AGBL4: variants seen among roughly 807,000 people sequenced by gnomAD.
AGBL4 encodes AGBL carboxypeptidase 4, also known as cytosolic carboxypeptidase 6.
A neutral mutation model predicts 66.4 loss-of-function variants in AGBL4; 58 were observed. That is an observed-to-expected ratio of 0.87 (90% CI 0.71 to 1.09). The LOEUF is 1.09. Ranked by LOEUF, AGBL4 falls within the 50% of genes least tolerant of loss-of-function variation. The probability of loss-of-function intolerance (pLI) is 0.00; values close to 1 mark genes in which losing one functional copy is unlikely to be tolerated. For synonymous variants in AGBL4, 234 were observed against 222.9 expected, an observed-to-expected ratio of 1.05 and a Z score of -0.44; for missense variants, 579 against 631.0, an observed-to-expected ratio of 0.92 and a Z score of 0.88.
chr1:48,568,194 G>C (rs1161753273), intron 11 of AGBL4, among the ~76,000 whole-genome samples: 3 of 152,042 alleles, frequency 2.0e-5, no homozygotes, highest in Non-Finnish European at 4.4e-5. Context: ...TCACCTACAT[G>C]CTTAAGCAGG....
chr1:48,642,302 A>G (rs1312344285), intron 8 of AGBL4, among the ~76,000 whole-genome samples: 1 of 152,194 alleles, frequency 6.6e-6, no homozygotes, highest in Non-Finnish European at 1.5e-5. Context: ...GACTGGGGAC[A>G]AGGGCGCTCA....
At chr1:49,486,297 T>TTTTAA (rs1647065255) in intron 3 of AGBL4, among the ~76,000 whole-genome samples, 1 of 152,076 alleles carries the variant, frequency 6.6e-6, no homozygotes, top group African/African-American at 2.4e-5. Flanking sequence ...TCATCATATG[T>TTTTAA]ATTGTTCTTT....
chr1:49,520,542 C>T lies in AGBL4; in HGVS notation c.282+176771G>A, dbSNP rs543984361. Among the ~76,000 whole-genome samples, 37 of 152,130 alleles carry T rather than the reference C, an allele frequency of 2.4e-4. 2 individuals are homozygous for T. Among genetic ancestry groups the T allele is most frequent in the African/African-American group, 7.9e-4 (33 of 41,542 alleles). Reference sequence around the variant, plus strand: ...AAGGCCCTACCTGTTGCTTCTATCTCTACTTTACCCTGAACTTTGAATACC... The same window carrying T: ...AAGGCCCTACCTGTTGCTTCTATCTTTACTTTACCCTGAACTTTGAATACC... On this transcript the variant is annotated intron_variant, in intron 3 of 13. Transcript: ENST00000371839.
At chr1:49,330,532 G>A (rs1021255838) in intron 3 of AGBL4, among the ~76,000 whole-genome samples, 2 of 152,148 alleles carry the variant, frequency 1.3e-5, no homozygotes, top group African/African-American at 4.8e-5. Flanking sequence ...GTCTAATAAT[G>A]CTATTTAGCA....
At chr1:50,001,388 G>A (rs1660737451) in intron 1 of AGBL4, among the ~76,000 whole-genome samples, 1 of 151,204 alleles carries the variant, frequency 6.6e-6, no homozygotes, top group Non-Finnish European at 1.5e-5. Flanking sequence ...CATCTCTGGT[G>A]AATTTTTTCA....
chr1:49,961,787 A>T (rs1463807231), intron 1 of AGBL4, among the ~76,000 whole-genome samples: 1 of 152,160 alleles, frequency 6.6e-6, no homozygotes, highest in Non-Finnish European at 1.5e-5. Context: ...AGGAACATGA[A>T]CAGAATATAC....
chr1:48,978,613 C>T (rs1169674621), intron 5 of AGBL4, among the ~76,000 whole-genome samples: 5 of 152,114 alleles, frequency 3.3e-5, no homozygotes, highest in South Asian at 2.1e-4. Flanking sequence ...CTAATGCTTC[C>T]GGTGATAACA....
the AGBL4 span, among the ~76,000 whole-genome samples, chr1:48,524,275 A>C: frequency 1.3e-5 from 2 of 152,216 alleles, no homozygotes; most frequent in Non-Finnish European, 2.9e-5. Flanking sequence ...AACACCACAC[A>C]AGCAATGTTT....
intron 3 of AGBL4, among the ~76,000 whole-genome samples, chr1:49,370,508 A>G (rs976178790): frequency 1.3e-5 from 2 of 152,112 alleles, no homozygotes; most frequent in South Asian, 2.1e-4. Flanking sequence ...ATTGTGGGCA[A>G]CCTCCTTTAC....
At chr1:48,759,179 G>A (rs1342481424) in intron 6 of AGBL4, 1 of 1,613,876 alleles carries the variant, frequency 6.2e-7, no homozygotes, top group African/African-American at 1.3e-5. Flanking sequence ...ACCTCTTCCG[G>A]ACACGTGCTA....
chr1:49,277,611 A>G (rs1644193757), intron 3 of AGBL4, among the ~76,000 whole-genome samples: 1 of 152,102 alleles, frequency 6.6e-6, no homozygotes, highest in Non-Finnish European at 1.5e-5. Context: ...ATAGCTAAAG[A>G]AAATACTCTT....
intron 11 of AGBL4, among the ~76,000 whole-genome samples, chr1:48,576,681 T>C (rs749887542): frequency 9.9e-5 from 15 of 152,122 alleles, no homozygotes; most frequent in Non-Finnish European, 1.0e-4. Flanking sequence ...CACCATTTTA[T>C]CAATATTCGA....
chr1:49,487,432 G>A (rs1192482959), intron 3 of AGBL4, among the ~76,000 whole-genome samples: 1 of 151,902 alleles, frequency 6.6e-6, no homozygotes, highest in Non-Finnish European at 1.5e-5. Context: ...AACAGGTGGA[G>A]GTAATTGAAT....
intron 3 of AGBL4, among the ~76,000 whole-genome samples, chr1:49,645,891 C>A (rs563889270): frequency 6.6e-6 from 1 of 151,230 alleles, no homozygotes; most frequent in African/African-American, 2.4e-5. Context: ...AGCTAATTCA[C>A]CATTTTAACA....
Position 48,626,664 on chromosome 1 carries a change from T to C in AGBL4, c.951+7829A>G, listed in dbSNP as rs532733799. On this transcript the variant is annotated intron_variant, in intron 9 of 13. Coordinates refer to ENST00000371839, the MANE Select transcript of AGBL4 (RefSeq NM_032785.4). ...CCGGAGAGGGTAAGAGACTCACCTA[T>C]GAGCACCAAGCAAATGAGTGGTTCA... Among the ~76,000 whole-genome samples, 7 of 152,300 alleles carry C rather than the reference T, an allele frequency of 4.6e-5. No individual in the cohort carries two copies. In the South Asian group the frequency reaches 1.4e-3, roughly 32 times the overall value.
At chr1:49,394,120 C>T (rs1300078014) in intron 3 of AGBL4, among the ~76,000 whole-genome samples, 1 of 151,192 alleles carries the variant, frequency 6.6e-6, no homozygotes, top group African/African-American at 2.4e-5. Context: ...GTGTCACTGA[C>T]ATTAAAAAAA....
intron 4 of AGBL4, among the ~76,000 whole-genome samples, chr1:49,127,537 C>T (rs1330040067): frequency 6.6e-6 from 1 of 151,998 alleles, no homozygotes; most frequent in Non-Finnish European, 1.5e-5. Flanking sequence ...AAAAGAGCTT[C>T]AGAAATATGC....
At chr1:48,836,103 G>A (rs1320735427) in intron 6 of AGBL4, among the ~76,000 whole-genome samples, 2 of 151,960 alleles carry the variant, frequency 1.3e-5, no homozygotes, top group Non-Finnish European at 2.9e-5. Flanking sequence ...TTGGAGCAGG[G>A]TGGTGGCAGT....
At chr1:48,880,760 C>T (rs534458219) in intron 5 of AGBL4, among the ~76,000 whole-genome samples, 2 of 152,122 alleles carry the variant, frequency 1.3e-5, no homozygotes, top group Non-Finnish European at 2.9e-5. Flanking sequence ...TTTTTTCTAG[C>T]CATTGTCTAA....
Sources: gnomAD v4.1 joint callset for allele counts (sites outside exome capture counted in the v4.1 genomes callset) on GRCh38, gnomAD v4.1.1 for gene constraint, MANE v1.5 for transcripts, NCBI Gene and HGNC (gene_info 2026-07-23, HGNC 2026-07-21) for gene names.